The following RALGPS1 variants were observed in gnomAD, a reference collection of about 807,000 sequenced individuals.
RALGPS1 encodes ras-specific guanine nucleotide-releasing factor RalGPS1.
RALGPS1 carries 19 observed loss-of-function variants against 78.8 expected under a neutral mutation model. The observed-to-expected ratio is 0.24, with a 90% CI of 0.17 to 0.35. The LOEUF is 0.35. RALGPS1 is among the 10% of genes least tolerant of loss of function. The pLI is 1.00. For synonymous variants in RALGPS1, 228 were observed against 256.3 expected (o/e 0.89, Z 1.06); for missense variants, 454 against 688.3 (o/e 0.66, Z 3.81).
intron 1 of RALGPS1, among the ~76,000 whole-genome samples, chr9:126,958,115 A>G (rs1170903609): frequency 3.1e-5 from 4 of 129,906 alleles, no homozygotes; most frequent in Admixed American, 8.6e-5. Context: ...TGGGAAACAG[A>G]GCTGTCTCTT....
intron 14 of RALGPS1, among the ~76,000 whole-genome samples, chr9:127,202,471 T>C (rs892936710): frequency 8.5e-5 from 13 of 152,122 alleles, no homozygotes; most frequent in African/African-American, 3.1e-4. Context: ...GCTGCTGTAC[T>C]GCCCTCGGTG....
intron 11 of RALGPS1, among the ~76,000 whole-genome samples, chr9:127,193,106 G>A (rs1252269159): frequency 6.6e-6 from 1 of 152,208 alleles, no homozygotes; most frequent in African/African-American, 2.4e-5. Flanking sequence ...TAGGCTGGGG[G>A]AAGGAGCCAG....
chr9:127,176,606 C>T (rs920446547), intron 11 of RALGPS1, among the ~76,000 whole-genome samples: 1 of 152,208 alleles, frequency 6.6e-6, no homozygotes, highest in Non-Finnish European at 1.5e-5. Context: ...GCCTGTTTGG[C>T]CTTTGCAGCC....
intron 8 of RALGPS1, among the ~76,000 whole-genome samples, chr9:127,134,802 C>T (rs2057281547): frequency 6.6e-6 from 1 of 152,106 alleles, no homozygotes; most frequent in Admixed American, 6.5e-5. Flanking sequence ...ACTCATAGCT[C>T]ACTGTTCAGA....
intron 5 of RALGPS1, among the ~76,000 whole-genome samples, chr9:127,048,441 A>T (rs2048008525): frequency 1.3e-5 from 2 of 152,164 alleles, no homozygotes. Context: ...TAATACAGCG[A>T]TTCCTTAAGG....
rs76839055 is a variant in RALGPS1 at position 126,923,023 on chromosome 9, G to A, written c.-66+8048G>A. On this transcript the variant is annotated intron_variant, in intron 1 of 18. Coordinates refer to ENST00000259351, the MANE Select transcript of RALGPS1 (RefSeq NM_014636.3). ...GCCGTGACTGTTTTGCCCACCAGCA[G>A]GTCCTCAGTGCCTAGCCTAGCATCC... is the stretch of plus-strand genomic sequence containing the variant. Among the ~76,000 whole-genome samples, 3 of 152,316 alleles carry A rather than the reference G, an allele frequency of 2.0e-5. No individual in the cohort carries two copies. In the East Asian group the frequency reaches 5.8e-4, roughly 29 times the overall value.
intron 8 of RALGPS1, chr9:127,087,406 T>C (rs2051884957): frequency 6.6e-6 from 1 of 152,636 alleles, no homozygotes; most frequent in Admixed American, 6.5e-5. Flanking sequence ...TGGGAATATA[T>C]TTTTAAAAAA....
chr9:127,034,638 A>G lies in RALGPS1; in HGVS notation c.300+124A>G. The G allele has an allele frequency of 1.3e-5, 10 of 784,264 alleles. 1 individual carries two copies. The highest frequency in any genetic ancestry group is 8.7e-5 in the South Asian group (6 of 68,782). The allele number at this position is 784,264 out of a possible 1,614,324, so 48.6% of individuals were successfully genotyped here. On this transcript the variant is annotated intron_variant, in intron 5 of 18. Transcript: ENST00000259351. ...GCTGGCCCCAGATCCAGCTTCTCAT[A>G]TGAGTCCCCCACCTTTATCCAGTTT...
At chr9:126,935,968 G>A (rs550957314) in intron 1 of RALGPS1, among the ~76,000 whole-genome samples, 101 of 152,318 alleles carry the variant, frequency 6.6e-4, no homozygotes, top group Middle Eastern at 6.8e-3. Context: ...GAGGAATCTG[G>A]GCTGAATTGG....
chr9:127,125,745 A>G (rs940774662), intron 8 of RALGPS1, among the ~76,000 whole-genome samples: 1 of 152,222 alleles, frequency 6.6e-6, no homozygotes, highest in Non-Finnish European at 1.5e-5. Flanking sequence ...CAGAAGCATC[A>G]TGTGACTAAA....
chr9:127,204,752 T>C (rs940886684), intron 14 of RALGPS1, among the ~76,000 whole-genome samples: 2 of 152,170 alleles, frequency 1.3e-5, no homozygotes, highest in Non-Finnish European at 2.9e-5. Flanking sequence ...GGTGGGATCA[T>C]CCGACATCCT....
chr9:126,915,227 T>C (rs998491173), intron 1 of RALGPS1, among the ~76,000 whole-genome samples: 75 of 115,378 alleles, frequency 6.5e-4, no homozygotes, highest in African/African-American at 2.3e-3. Flanking sequence ...AGGGGCGCGC[T>C]GGTCCCCGGG....
At chr9:127,167,933 G>A (rs1479234418) in intron 9 of RALGPS1, among the ~76,000 whole-genome samples, 1 of 152,224 alleles carries the variant, frequency 6.6e-6, no homozygotes, top group Non-Finnish European at 1.5e-5. Context: ...CCAGAAACGG[G>A]CAACACCGTG....
chr9:127,011,948 G>A (rs952115809), intron 4 of RALGPS1, among the ~76,000 whole-genome samples: 1 of 152,184 alleles, frequency 6.6e-6, no homozygotes, highest in African/African-American at 2.4e-5. Flanking sequence ...GCAAGCACCA[G>A]ACATGCTCCG....
At chr9:127,194,505 C>T (rs966769478) in intron 11 of RALGPS1, among the ~76,000 whole-genome samples, 6 of 152,308 alleles carry the variant, frequency 3.9e-5, no homozygotes, top group Non-Finnish European at 4.4e-5. Flanking sequence ...TTCCACCTCC[C>T]GGGTTCAAGC....
At chr9:127,118,053 A>G (rs1352615081) in intron 8 of RALGPS1, among the ~76,000 whole-genome samples, 1 of 152,172 alleles carries the variant, frequency 6.6e-6, no homozygotes, top group African/African-American at 2.4e-5. Flanking sequence ...CCCCACACCC[A>G]ACATTTTATT....
chr9:127,108,870 G>T, intron 8 of RALGPS1: 3 of 976,762 alleles, frequency 3.1e-6, no homozygotes, highest in Admixed American at 2.9e-5. Flanking sequence ...CGCCAGGCAG[G>T]CAGAGCTTTC....
At chr9:127,100,528 GTC>G (rs1455502324) in intron 8 of RALGPS1, among the ~76,000 whole-genome samples, 1 of 152,206 alleles carries the variant, frequency 6.6e-6, no homozygotes, top group African/African-American at 2.4e-5. Context: ...GGCTTTAGTG[GTC>G]TCACTGTGTA....
At chr9:127,023,220 G>A (rs182928161) in intron 4 of RALGPS1, among the ~76,000 whole-genome samples, 169 of 152,270 alleles carry the variant, frequency 1.1e-3, no homozygotes, top group Non-Finnish European at 1.6e-3. Context: ...TATTAGGACT[G>A]CAACCTTGGG....
Sources: gnomAD v4.1 joint callset for allele counts (sites outside exome capture counted in the v4.1 genomes callset) on GRCh38, gnomAD v4.1.1 for gene constraint, MANE v1.5 for transcripts, NCBI Gene and HGNC (gene_info 2026-07-23, HGNC 2026-07-21) for gene names.